Variants in ERC1 observed in about 807,000 individuals in gnomAD.
ERC1 encodes ELKS/RAB6-interacting/CAST family member 1.
In ERC1, 56 loss-of-function variants were observed where a neutral mutation model predicts 132.0. The ratio of observed to expected loss-of-function variants is 0.42; its 90% CI spans 0.34 to 0.53. The LOEUF (loss-of-function observed/expected upper bound fraction) is 0.53. Ranked by LOEUF, ERC1 falls within the 20% of genes least tolerant of loss-of-function variation. The pLI, the probability that ERC1 is intolerant of heterozygous loss-of-function variation, is 0.03. For missense variants in ERC1, 1,202 were observed against 1,349.9 expected (o/e 0.89, Z 1.72); for synonymous variants, 478 against 476.1 (o/e 1.00, Z -0.05).
At chr12:1,298,549 A>C (rs1380943226) in intron 15 of ERC1, among the ~76,000 whole-genome samples, 1 of 146,574 alleles carries the variant, frequency 6.8e-6, no homozygotes, top group Non-Finnish European at 1.5e-5. Flanking sequence ...TCACAAAAAA[A>C]AAAAAAACAA....
intron 12 of ERC1, 117 bp downstream of exon 12, chr12:1,190,169 C>T (rs1430673655): frequency 9.4e-6 from 9 of 961,552 alleles, no homozygotes; most frequent in Middle Eastern, 2.1e-4. Flanking sequence ...CGAATTCTTG[C>T]TATTACTGTA....
At chr12:1,205,575 C>A (rs1366005113) in intron 12 of ERC1, among the ~76,000 whole-genome samples, 1 of 151,922 alleles carries the variant, frequency 6.6e-6, no homozygotes, top group Non-Finnish European at 1.5e-5. Flanking sequence ...TTTGAGTAAG[C>A]TGTATTCATT....
intron 14 of ERC1, among the ~76,000 whole-genome samples, chr12:1,278,814 T>A (rs1231193613): frequency 6.6e-6 from 1 of 152,142 alleles, no homozygotes; most frequent in East Asian, 1.9e-4. Flanking sequence ...ATAGAACCCT[T>A]AATAAAAGGT....
At chr12:1,392,036 C>T (rs928488203) in intron 16 of ERC1, among the ~76,000 whole-genome samples, 14 of 152,090 alleles carry the variant, frequency 9.2e-5, no homozygotes, top group Non-Finnish European at 1.0e-4. Context: ...ATTCCTGATA[C>T]TTCTTAAAGA....
chr12:1,230,563 T>C (rs1479864744), intron 12 of ERC1, among the ~76,000 whole-genome samples: 1 of 152,198 alleles, frequency 6.6e-6, no homozygotes, highest in African/African-American at 2.4e-5. Context: ...TGCTGTTGGA[T>C]GGATGTTTCA....
intron 3 of ERC1, among the ~76,000 whole-genome samples, chr12:1,093,380 G>A (rs1490387571): frequency 6.6e-6 from 1 of 152,122 alleles, no homozygotes; most frequent in Non-Finnish European, 1.5e-5. Flanking sequence ...TGAATTACAG[G>A]CAAGACTTGG....
intron 2 of ERC1, among the ~76,000 whole-genome samples, chr12:1,045,219 A>G (rs1357808079): frequency 6.6e-6 from 1 of 152,112 alleles, no homozygotes; most frequent in African/African-American, 2.4e-5. Flanking sequence ...TGTCACTAAA[A>G]GGTATACTTT....
intron 14 of ERC1, among the ~76,000 whole-genome samples, chr12:1,285,681 C>T (rs967316517): frequency 5.9e-5 from 9 of 152,004 alleles, no homozygotes; most frequent in Non-Finnish European, 1.0e-4. Context: ...ATTTCAAGCC[C>T]AGAGATTTAT....
chr12:1,069,152 C>T (rs1289696647), intron 2 of ERC1, among the ~76,000 whole-genome samples: 2 of 152,258 alleles, frequency 1.3e-5, no homozygotes, highest in South Asian at 4.1e-4. Flanking sequence ...GACTTGAATG[C>T]ACAATCATTT....
chr12:1,145,376 T>A (rs987535741), intron 8 of ERC1, among the ~76,000 whole-genome samples: 7 of 152,318 alleles, frequency 4.6e-5, no homozygotes, highest in Middle Eastern at 3.4e-3. Flanking sequence ...GAACTGTCTA[T>A]TCTTTTGAGA....
At chr12:1,328,753 C>G (rs911068939) in intron 15 of ERC1, among the ~76,000 whole-genome samples, 14 of 151,958 alleles carry the variant, frequency 9.2e-5, no homozygotes, top group Non-Finnish European at 1.9e-4. Context: ...TGCTTTGAAC[C>G]TCTCCTATTG....
intron 15 of ERC1, among the ~76,000 whole-genome samples, chr12:1,362,565 TA>T (rs2086240882): frequency 6.6e-6 from 1 of 152,114 alleles, no homozygotes; most frequent in African/African-American, 2.4e-5. Flanking sequence ...TTTGGAAGCA[TA>T]AAAATACATT....
intron 8 of ERC1, among the ~76,000 whole-genome samples, chr12:1,170,641 T>A (rs1166470520): frequency 6.6e-6 from 1 of 152,208 alleles, no homozygotes; most frequent in Non-Finnish European, 1.5e-5. Context: ...AAGAAGGGTT[T>A]GAGCTATTTT....
intron 2 of ERC1, among the ~76,000 whole-genome samples, chr12:1,040,276 T>C (rs745596413): frequency 6.6e-6 from 1 of 152,076 alleles, no homozygotes; most frequent in Non-Finnish European, 1.5e-5. Context: ...TGTGCTACCA[T>C]ACACATTTCT....
At chr12:1,272,503 C>T (rs188077842) in intron 14 of ERC1, among the ~76,000 whole-genome samples, 28 of 152,306 alleles carry the variant, frequency 1.8e-4, no homozygotes, top group Admixed American at 1.0e-3. Context: ...AGATTTGCAT[C>T]AACTGAGAAT....
intron 15 of ERC1, among the ~76,000 whole-genome samples, chr12:1,328,826 G>GGATGCAAAGTGAGGCAATAACT (rs1555362532): frequency 2.0e-5 from 3 of 149,100 alleles, no homozygotes; most frequent in East Asian, 2.0e-4. Context: ...GTTGAATTAG[G>GGATGCAAAGTGAGGCAATAACT]AGCATCTAAT....
rs772437381 is a variant in ERC1, at chr12:1,434,415, T to C, written c.3025-10147T>C. On this transcript the variant is annotated intron_variant, in intron 17 of 18. Coordinates refer to ENST00000360905, the MANE Select transcript of ERC1 (RefSeq NM_178040.4). ...CTAAACTAGGAGCCTACTTACTCTT[T>C]ATTGACTCGTGTAGTTACCTGTGCT... Among the ~76,000 whole-genome samples the C allele has an allele frequency of 4.9e-4, 74 of 152,332 alleles. No homozygotes were observed. In the Middle Eastern group the frequency reaches 0.014, roughly 28 times the overall value.
chr12:1,391,962 GTGTT>G (rs2090001787), intron 16 of ERC1, among the ~76,000 whole-genome samples: 1 of 152,148 alleles, frequency 6.6e-6, no homozygotes, highest in Non-Finnish European at 1.5e-5. Flanking sequence ...TGCCTTTTTA[GTGTT>G]TGTCTGTGTG....
intron 16 of ERC1, among the ~76,000 whole-genome samples, chr12:1,397,765 T>G (rs1308202943): frequency 6.6e-6 from 1 of 152,142 alleles, no homozygotes; most frequent in Non-Finnish European, 1.5e-5. Flanking sequence ...TTATATAGTT[T>G]TGACTCTAGA....
Sources: allele counts gnomAD v4.1 joint callset (sites outside exome capture counted in the v4.1 genomes callset), GRCh38; gene constraint gnomAD v4.1.1; transcripts MANE v1.5; gene names NCBI Gene and HGNC (gene_info 2026-07-23, HGNC 2026-07-21).